DCBLD1: variants seen among roughly 807,000 people sequenced by gnomAD.
DCBLD1 encodes the protein discoidin, CUB and LCCL domain-containing protein 1.
DCBLD1 carries 57 observed loss-of-function variants against 71.5 expected under a neutral mutation model. That is an observed-to-expected ratio of 0.80 (90% confidence interval 0.64 to 0.99). DCBLD1 has a LOEUF of 0.99. Ranked by LOEUF, DCBLD1 falls within the 50% of genes least tolerant of loss-of-function variation. The pLI is 0.00. For synonymous variants in DCBLD1, 380 were observed against 363.8 expected, an observed-to-expected ratio of 1.04 and a Z score of -0.51; for missense variants, 891 against 923.5, an observed-to-expected ratio of 0.96 and a Z score of 0.46.
At chr6:117,503,239 A>T (rs1013471307) in intron 1 of DCBLD1, among the ~76,000 whole-genome samples, 9 of 152,222 alleles carry the variant, frequency 5.9e-5, no homozygotes, top group Admixed American at 5.9e-4. Flanking sequence ...ATTAACTAAG[A>T]CATACATTTC....
At chr6:117,530,866 C>T (rs1778695083) in intron 5 of DCBLD1, among the ~76,000 whole-genome samples, 1 of 152,238 alleles carries the variant, frequency 6.6e-6, no homozygotes, top group South Asian at 2.1e-4. Flanking sequence ...TTAAAGAGTA[C>T]GATCTTTACG....
At chr6:117,496,061 G>T (rs1379025154) in intron 1 of DCBLD1, among the ~76,000 whole-genome samples, 2 of 152,074 alleles carry the variant, frequency 1.3e-5, no homozygotes, top group Non-Finnish European at 2.9e-5. Context: ...CATATTCCTT[G>T]TGTTTCCTTT....
intron 14 of DCBLD1, among the ~76,000 whole-genome samples, chr6:117,545,908 A>G (rs1779251604): frequency 6.6e-6 from 1 of 152,216 alleles, no homozygotes; most frequent in African/African-American, 2.4e-5. Context: ...GCACTGGTAC[A>G]GAGGGGCTGA....
chr6:117,512,236 C>T (rs1441946382), intron 2 of DCBLD1, among the ~76,000 whole-genome samples: 3 of 152,168 alleles, frequency 2.0e-5, no homozygotes, highest in Non-Finnish European at 4.4e-5. Flanking sequence ...TGACCTGGGT[C>T]CTGTAGCCCC....
chr6:117,509,232 G>A (rs1203577810), intron 2 of DCBLD1, among the ~76,000 whole-genome samples: 1 of 152,136 alleles, frequency 6.6e-6, no homozygotes, highest in Non-Finnish European at 1.5e-5. Flanking sequence ...AGGAATTTGA[G>A]ACTAGGTTGG....
chr6:117,563,716 T>C (rs1012703530), intron 14 of DCBLD1, among the ~76,000 whole-genome samples: 13 of 151,196 alleles, frequency 8.6e-5, no homozygotes, highest in African/African-American at 3.2e-4. Flanking sequence ...AGTGAAACTC[T>C]GTCTCGATTA....
At chr6:117,567,381 C>T (rs897452600) in intron 14 of DCBLD1, among the ~76,000 whole-genome samples, 1 of 152,124 alleles carries the variant, frequency 6.6e-6, no homozygotes, top group Non-Finnish European at 1.5e-5. Context: ...TTGTACTGCA[C>T]ACAGCAATTC....
chr6:117,524,474 G>T (rs1158228528), intron 4 of DCBLD1, among the ~76,000 whole-genome samples: 1 of 152,156 alleles, frequency 6.6e-6, no homozygotes, highest in Non-Finnish European at 1.5e-5. Context: ...AAAGTGCTGA[G>T]ATTACAGGCG....
At position 117,521,590 on chromosome 6, in the gene DCBLD1, T is replaced by C; in HGVS notation, c.512+14T>C. Reference sequence around the variant, plus strand: ...GACAGAATACAGGTAAGTATAGGTATCCTAACTGTGTTGCAGTCGTGTATT... The same window carrying C: ...GACAGAATACAGGTAAGTATAGGTACCCTAACTGTGTTGCAGTCGTGTATT... On this transcript the variant is annotated intron_variant, in intron 4 of 14. Coordinates refer to ENST00000338728, the MANE Select transcript of DCBLD1 (RefSeq NM_001366458.2). 1.3e-6 allele frequency: 2 copies of C among 1,555,756 alleles called. No individual in the cohort carries two copies. The highest frequency in any genetic ancestry group is 1.7e-6 in the Non-Finnish European group (2 of 1,159,600).
At chr6:117,529,001 C>T (rs563044676) in intron 5 of DCBLD1, among the ~76,000 whole-genome samples, 4 of 152,070 alleles carry the variant, frequency 2.6e-5, no homozygotes, top group Non-Finnish European at 5.9e-5. Flanking sequence ...CCACCATGCC[C>T]GGCTAATTTT....
Position 117,540,700 on chromosome 6 carries a change from A to C in DCBLD1, c.1134A>C (p.Pro378=), listed in dbSNP as rs760685105. The change falls in exon 10 of 15, where the codon CCA becomes CCC. Residue 378 remains proline (P), a synonymous_variant. Coordinates refer to ENST00000338728, the MANE Select transcript of DCBLD1 (RefSeq NM_001366458.2). ...AGGGTAACTCTAACTTTCGGGACCC[A>C]GTGCAAAACAATTTCATCCCTCCCA... The part of the protein sequence containing the change: ...VFQGNSNFRD[P]VQNNFIPPIV... 3.1e-6 allele frequency: 5 copies of C among 1,614,240 alleles called. No homozygotes were observed. Among genetic ancestry groups the C allele is most frequent in the Non-Finnish European group, 4.2e-6 (5 of 1,180,036 alleles).
At position 117,519,924 on chromosome 6, in the gene DCBLD1, T is replaced by C; in HGVS notation, c.434T>C (p.Leu145Pro). The change falls in exon 3 of 15, where the codon CTG (leucine) becomes CCG (proline). Residue 145 changes from leucine to proline, a missense_variant. Transcript: ENST00000338728. ...GSHISGRGFL[L>P]TYASSDHPDL... ...CACATTTCTGGCCGGGGTTTTTTGC[T>C]GACCTATGCGAGCAGCGACCATCCA... 1.2e-6 allele frequency: 2 copies of C among 1,614,132 alleles called. No homozygotes were observed. The highest frequency in any genetic ancestry group is 1.7e-6 in the Non-Finnish European group (2 of 1,179,996).
At chr6:117,488,204 G>A (rs80193228) in intron 1 of DCBLD1, among the ~76,000 whole-genome samples, 4,633 of 152,246 alleles carry the variant, frequency 0.03, 82 homozygotes, top group Non-Finnish European at 0.037. Flanking sequence ...AGCAGGCTCC[G>A]GGTAACTACT....
chr6:117,486,885 G>A (rs1777105708), intron 1 of DCBLD1, among the ~76,000 whole-genome samples: 2 of 152,200 alleles, frequency 1.3e-5, no homozygotes, highest in Admixed American at 6.5e-5. Flanking sequence ...ATTACCGCCT[G>A]AGTTCGCCTC....
At chr6:117,507,091 G>A (rs1777868731) in intron 2 of DCBLD1, among the ~76,000 whole-genome samples, 1 of 152,220 alleles carries the variant, frequency 6.6e-6, no homozygotes, top group Non-Finnish European at 1.5e-5. Flanking sequence ...TGGCATTAAT[G>A]TTTGCAGTGT....
chr6:117,555,361 T>C (rs1779483267), intron 14 of DCBLD1, among the ~76,000 whole-genome samples: 1 of 152,140 alleles, frequency 6.6e-6, no homozygotes. Context: ...CTCTGAAAAA[T>C]CAGGGTTTTT....
At chr6:117,483,038 C>T (rs1388738132) in intron 1 of DCBLD1, 145 bp downstream of exon 1, 4 of 929,738 alleles carry the variant, frequency 4.3e-6, no homozygotes, top group Non-Finnish European at 5.3e-6. Context: ...GGCTCGCCGC[C>T]TGCCATCCGC....
chr6:117,484,746 T>C (rs1456062992), intron 1 of DCBLD1, among the ~76,000 whole-genome samples: 1 of 152,224 alleles, frequency 6.6e-6, no homozygotes, highest in African/African-American at 2.4e-5. Context: ...CTTTTATTTA[T>C]TGTGTGGTTT....
At chr6:117,512,499 G>A (rs919538572) in intron 2 of DCBLD1, among the ~76,000 whole-genome samples, 5 of 152,110 alleles carry the variant, frequency 3.3e-5, no homozygotes, top group African/African-American at 7.2e-5. Context: ...ACAAATCTGC[G>A]ATTTGACTGC....
Sources: allele counts gnomAD v4.1 joint callset (sites outside exome capture counted in the v4.1 genomes callset), GRCh38; gene constraint gnomAD v4.1.1; transcripts MANE v1.5; gene names NCBI Gene and HGNC (gene_info 2026-07-23, HGNC 2026-07-21).